RGS7: variants seen among roughly 807,000 people sequenced by gnomAD.
RGS7 encodes regulator of G protein signaling 7.
In RGS7, 27 loss-of-function variants were observed where a neutral mutation model predicts 81.1. That is an observed-to-expected ratio of 0.33 (90% CI 0.25 to 0.46). RGS7 has a LOEUF of 0.46. Ranked by LOEUF, RGS7 falls within the 20% of genes least tolerant of loss-of-function variation. RGS7 has a pLI of 1.00. For synonymous variants in RGS7, 208 were observed against 207.7 expected, an observed-to-expected ratio of 1.00 and a Z score of -0.01; for missense variants, 396 against 607.4, an observed-to-expected ratio of 0.65 and a Z score of 3.66.
At chr1:240,934,927 C>T (rs568655548) in intron 5 of RGS7, among the ~76,000 whole-genome samples, 134 of 116,936 alleles carry the variant, frequency 1.1e-3, no homozygotes, top group African/African-American at 3.9e-3. Flanking sequence ...CTCGCTCTGT[C>T]GCCCAGGCTG....
intron 3 of RGS7, among the ~76,000 whole-genome samples, chr1:241,096,240 T>C (rs1389323642): frequency 6.6e-6 from 1 of 152,098 alleles, no homozygotes; most frequent in African/African-American, 2.4e-5. Flanking sequence ...CAGCAGTCCG[T>C]TGCGAGTTGG....
intron 3 of RGS7, among the ~76,000 whole-genome samples, chr1:241,071,943 T>C (rs2062495514): frequency 6.6e-6 from 1 of 150,484 alleles, no homozygotes; most frequent in South Asian, 2.1e-4. Flanking sequence ...AGTTGTTAAT[T>C]AGAATTTTAT....
intron 4 of RGS7, among the ~76,000 whole-genome samples, chr1:240,969,424 G>C (rs142884106): frequency 2.6e-5 from 4 of 152,296 alleles, no homozygotes; most frequent in African/African-American, 9.6e-5. Context: ...CTAGTGGACA[G>C]TGTAGAAATA....
intron 3 of RGS7, among the ~76,000 whole-genome samples, chr1:241,069,769 G>A (rs958975673): frequency 5.9e-5 from 9 of 152,052 alleles, no homozygotes; most frequent in South Asian, 2.1e-4. Context: ...AATCAAAACC[G>A]CTGTTGATTG....
At chr1:240,947,626 A>C (rs1352551777) in intron 4 of RGS7, among the ~76,000 whole-genome samples, 1 of 151,988 alleles carries the variant, frequency 6.6e-6, no homozygotes, top group Non-Finnish European at 1.5e-5. Flanking sequence ...CACCACCTCC[A>C]CCACCCCAGT....
intron 3 of RGS7, among the ~76,000 whole-genome samples, chr1:241,082,590 C>T (rs1248171456): frequency 6.6e-6 from 1 of 151,964 alleles, no homozygotes; most frequent in Admixed American, 6.6e-5. Context: ...GGTGATAAAG[C>T]GAAGTTGGTT....
At chr1:241,235,024 T>C (rs2148088100) in intron 2 of RGS7, among the ~76,000 whole-genome samples, 1 of 152,360 alleles carries the variant, frequency 6.6e-6, no homozygotes, top group South Asian at 2.1e-4. Flanking sequence ...TCTAATTTAT[T>C]CATCATGATG....
At chr1:240,930,393 G>A (rs73118010) in intron 6 of RGS7, among the ~76,000 whole-genome samples, 1 of 151,950 alleles carries the variant, frequency 6.6e-6, no homozygotes, top group Non-Finnish European at 1.5e-5. Context: ...TAGAACTCTG[G>A]TTCTATGGGT....
At chr1:241,043,098 C>G (rs1311595600) in intron 3 of RGS7, among the ~76,000 whole-genome samples, 4 of 151,820 alleles carry the variant, frequency 2.6e-5, no homozygotes, top group African/African-American at 9.7e-5. Flanking sequence ...TGACTTTAAT[C>G]TCATTACTAG....
At chr1:240,880,069 C>T (rs1572561531) in intron 6 of RGS7, among the ~76,000 whole-genome samples, 2 of 152,138 alleles carry the variant, frequency 1.3e-5, no homozygotes, top group South Asian at 2.1e-4. Flanking sequence ...TGAGACAGGG[C>T]CTCCCTCTGT....
intron 2 of RGS7, among the ~76,000 whole-genome samples, chr1:241,234,102 C>T (rs138974117): frequency 2.6e-5 from 4 of 152,266 alleles, no homozygotes; most frequent in Non-Finnish European, 5.9e-5. Flanking sequence ...AAGCCTTTCC[C>T]GTTTTCTCTC....
chr1:241,041,262 A>T (rs981048463), intron 3 of RGS7, among the ~76,000 whole-genome samples: 2 of 152,204 alleles, frequency 1.3e-5, no homozygotes, highest in African/African-American at 4.8e-5. Flanking sequence ...CTGGAAAGTT[A>T]AGTTTTACTG....
chr1:240,976,873 ATCTG>A (rs370386405), intron 4 of RGS7, among the ~76,000 whole-genome samples: 241 of 149,962 alleles, frequency 1.6e-3, no homozygotes, highest in African/African-American at 5.5e-3. Context: ...TCCATCATCT[ATCTG>A]TCTATCTCTT....
intron 3 of RGS7, among the ~76,000 whole-genome samples, chr1:241,002,386 T>C (rs1166094762): frequency 6.6e-6 from 1 of 150,732 alleles, no homozygotes; most frequent in African/African-American, 2.4e-5. Context: ...CCGGGAGGCG[T>C]AGGTTGCACT....
chr1:240,822,122 T>G (rs999242030), intron 10 of RGS7, among the ~76,000 whole-genome samples: 1 of 152,184 alleles, frequency 6.6e-6, no homozygotes, highest in Non-Finnish European at 1.5e-5. Context: ...CAGTTTGCCC[T>G]TCACAATGCG....
At chr1:241,031,398 T>G (rs1243818580) in intron 3 of RGS7, among the ~76,000 whole-genome samples, 1 of 152,220 alleles carries the variant, frequency 6.6e-6, no homozygotes, top group Admixed American at 6.5e-5. Context: ...TTAGGTTGAT[T>G]ACATATCTTT....
intron 3 of RGS7, among the ~76,000 whole-genome samples, chr1:241,093,385 G>A (rs1055620743): frequency 5.9e-5 from 9 of 152,092 alleles, no homozygotes; most frequent in African/African-American, 1.7e-4. Flanking sequence ...TTAGTTACAC[G>A]TTTATTGCTA....
At chr1:241,242,236 A>G (rs2076293551) in intron 2 of RGS7, among the ~76,000 whole-genome samples, 1 of 152,074 alleles carries the variant, frequency 6.6e-6, no homozygotes, top group Non-Finnish European at 1.5e-5. Context: ...TTTATTTAGA[A>G]TATGGTCTCC....
At chr1:240,957,168 A>G (rs1680579216) in intron 4 of RGS7, among the ~76,000 whole-genome samples, 1 of 152,142 alleles carries the variant, frequency 6.6e-6, no homozygotes. Flanking sequence ...CTGCTAGGAA[A>G]AGCAGGTGGA....
Sources: allele counts gnomAD v4.1 joint callset (sites outside exome capture counted in the v4.1 genomes callset), GRCh38; gene constraint gnomAD v4.1.1; transcripts MANE v1.5; gene names NCBI Gene and HGNC (gene_info 2026-07-23, HGNC 2026-07-21).